Variants in CNTFR observed in about 807,000 individuals in gnomAD.
CNTFR encodes ciliary neurotrophic factor receptor subunit alpha.
A neutral mutation model predicts 40.4 loss-of-function variants in CNTFR; 12 were observed. The ratio of observed to expected loss-of-function variants is 0.30; its 90% CI spans 0.19 to 0.48. The LOEUF is 0.48. Among genes scored for constraint, CNTFR ranks in the 20% least tolerant of loss-of-function variants. CNTFR has a pLI of 0.99. For missense variants in CNTFR, 414 were observed against 506.8 expected (o/e 0.82, Z 1.76); for synonymous variants, 202 against 209.6 (o/e 0.96, Z 0.31).
At chr9:34,588,671 C>A (rs1463785775) in intron 1 of CNTFR, among the ~76,000 whole-genome samples, 1 of 152,144 alleles carries the variant, frequency 6.6e-6, no homozygotes, top group Non-Finnish European at 1.5e-5. Context: ...GTGAAATAGT[C>A]CTGCCCGCCT....
chr9:34,579,251 T>C (rs1226839447), intron 2 of CNTFR, among the ~76,000 whole-genome samples: 2 of 151,984 alleles, frequency 1.3e-5, no homozygotes, highest in African/African-American at 4.8e-5. Context: ...CGCTGCCTGA[T>C]TAATGGGGTT....
chr9:34,583,600 C>G (rs747443463), intron 1 of CNTFR, among the ~76,000 whole-genome samples: 5 of 152,174 alleles, frequency 3.3e-5, no homozygotes, highest in African/African-American at 4.8e-5. Context: ...ACCCCACCCC[C>G]ACAAGTCCAC....
intron 3 of CNTFR, among the ~76,000 whole-genome samples, chr9:34,565,136 A>T (rs1266721824): frequency 6.6e-6 from 1 of 152,034 alleles, no homozygotes; most frequent in Non-Finnish European, 1.5e-5. Flanking sequence ...TAGTGCTGAG[A>T]GGGGTCAGTT....
At chr9:34,577,821 G>A (rs1310670058) in intron 2 of CNTFR, among the ~76,000 whole-genome samples, 2 of 149,516 alleles carry the variant, frequency 1.3e-5, no homozygotes, top group Admixed American at 6.7e-5. Flanking sequence ...GGGGGCTGGG[G>A]GGAGAGACAG....
chr9:34,586,962 G>A (rs1268461058), intron 1 of CNTFR, among the ~76,000 whole-genome samples: 3 of 152,188 alleles, frequency 2.0e-5, no homozygotes, highest in South Asian at 2.1e-4. Context: ...AAGTTCCACT[G>A]GGATTGTGAA....
chr9:34,581,508 A>C (rs1328250979), intron 1 of CNTFR, among the ~76,000 whole-genome samples: 2 of 152,176 alleles, frequency 1.3e-5, no homozygotes, highest in Non-Finnish European at 2.9e-5. Flanking sequence ...ACACACAGGC[A>C]CCTCCATATC....
At position 34,552,354 on chromosome 9, in the gene CNTFR, G is replaced by C; in HGVS notation, c.950-25C>G. 1 of 1,529,006 alleles carries C rather than the reference G, an allele frequency of 6.5e-7. No homozygotes were observed. The highest frequency in any genetic ancestry group is 8.8e-7 in the Non-Finnish European group (1 of 1,142,688). The allele number at this position is 1,529,006 out of a possible 1,614,324, so 94.7% of individuals were successfully genotyped here. A position where few individuals can be genotyped will look rare whatever the true frequency, so the allele number is the denominator to read the frequency against. ...TCTGGGGAACATGGGGGAAACTCAGGGCAAGGCCAGGGCTGGGTCCCATCC... is the reference window on the plus strand; with the variant it reads ...TCTGGGGAACATGGGGGAAACTCAGCGCAAGGCCAGGGCTGGGTCCCATCC... On this transcript the variant is annotated intron_variant, in intron 8 of 9. Transcript: ENST00000378980. The surrounding 1 kb of genome is among the most constrained non-coding windows in gnomAD (Gnocchi z 5.1).
At chr9:34,559,309 G>A (rs1825974221) in intron 4 of CNTFR, among the ~76,000 whole-genome samples, 1 of 152,170 alleles carries the variant, frequency 6.6e-6, no homozygotes, top group Non-Finnish European at 1.5e-5. Context: ...AGGGGCCTGG[G>A]GCAGAACCCC....
In CNTFR at chr9:34,589,365, G is replaced by T. The variant is rs1227220976; in HGVS notation, c.-112+190C>A. ...CCCAACCCCCGGAGCGCCCGGACGT[G>T]GGGGGCCGCTCCTCCAGCGCCCCCG... On this transcript the variant is annotated intron_variant, in intron 1 of 9. Coordinates refer to ENST00000378980, the MANE Select transcript of CNTFR (RefSeq NM_147164.3). This position sits in a 1 kb window ranked among gnomAD's most constrained non-coding sequence, Gnocchi z 4.4. Among the ~76,000 whole-genome samples, 8 of 152,020 alleles carry T rather than the reference G, an allele frequency of 5.3e-5. No homozygotes were observed. In the East Asian group the frequency reaches 1.6e-3, roughly 30 times the overall value.
intron 2 of CNTFR, among the ~76,000 whole-genome samples, chr9:34,572,553 C>G (rs1429776522): frequency 6.6e-6 from 1 of 152,130 alleles, no homozygotes; most frequent in East Asian, 1.9e-4. Flanking sequence ...CCCCTGAGCC[C>G]CTTGTCAGCA....
At chr9:34,554,387 C>T (rs1825753429) in intron 7 of CNTFR, among the ~76,000 whole-genome samples, 1 of 152,198 alleles carries the variant, frequency 6.6e-6, no homozygotes, top group South Asian at 2.1e-4. Flanking sequence ...GGCACCATAC[C>T]TCCAGGAATG....
chr9:34,568,249 C>G (rs1454973037), intron 3 of CNTFR: 1 of 152,310 alleles, frequency 6.6e-6, no homozygotes, highest in Non-Finnish European at 1.5e-5. Context: ...TTAAGAGGGC[C>G]TCTGTTAACA....
intron 2 of CNTFR, among the ~76,000 whole-genome samples, chr9:34,575,432 G>A: frequency 6.6e-6 from 1 of 152,200 alleles, no homozygotes; most frequent in Non-Finnish European, 1.5e-5. Context: ...CCCTTAGCAG[G>A]GGGGTGGGGT....
intron 6 of CNTFR, 40 bp from the exon 7 acceptor site, chr9:34,556,458 G>A (rs1048174447): frequency 2.6e-6 from 4 of 1,537,202 alleles, no homozygotes; most frequent in Non-Finnish European, 3.5e-6. Flanking sequence ...ACTAATCACT[G>A]GCAACAACCC....
At chr9:34,590,701 G>A (rs1030477795), upstream of CNTFR, among the ~76,000 whole-genome samples, 1 of 152,340 alleles carries the variant, frequency 6.6e-6, no homozygotes, top group East Asian at 1.9e-4. Context: ...CGCACCCCTC[G>A]ATAGGAGGCT....
chr9:34,565,573 G>A (rs796412750), intron 3 of CNTFR, among the ~76,000 whole-genome samples: 2 of 152,166 alleles, frequency 1.3e-5, no homozygotes, highest in Non-Finnish European at 2.9e-5. Context: ...TGGGGGCTTG[G>A]GGGGTGCGGT....
intron 2 of CNTFR, among the ~76,000 whole-genome samples, chr9:34,573,351 T>C (rs1007131362): frequency 2.0e-5 from 3 of 152,212 alleles, no homozygotes; most frequent in East Asian, 3.9e-4. Context: ...CAGCTGTAAT[T>C]GTGTGTGCGG....
intron 4 of CNTFR, among the ~76,000 whole-genome samples, chr9:34,559,332 C>T (rs1387882690): frequency 6.6e-6 from 1 of 152,138 alleles, no homozygotes; most frequent in African/African-American, 2.4e-5. Context: ...GGATCCAGAT[C>T]TAGCTTTGCA....
rs981855184 is a variant in CNTFR, at chr9:34,589,035, G to A, written c.-112+520C>T. 1.3e-5 allele frequency among the ~76,000 whole-genome samples: 2 copies of A among 152,100 alleles called. No individual in the cohort carries two copies. The highest frequency in any genetic ancestry group is 4.8e-5 in the African/African-American group (2 of 41,398). On this transcript the variant is annotated intron_variant, in intron 1 of 9. Coordinates refer to ENST00000378980, the MANE Select transcript of CNTFR (RefSeq NM_147164.3). This position sits in a 1 kb window ranked among gnomAD's most constrained non-coding sequence, Gnocchi z 4.4. ...AGGCGGACTGAAGAGAAAACCATGG[G>A]GACGCCGACCGACACACACATGCAC...
Sources: allele counts gnomAD v4.1 joint callset (sites outside exome capture counted in the v4.1 genomes callset), GRCh38; gene constraint gnomAD v4.1.1; non-coding constraint Gnocchi (gnomAD v3.1); transcripts MANE v1.5; gene names NCBI Gene and HGNC (gene_info 2026-07-23, HGNC 2026-07-21).